ABTB2: variants seen among roughly 807,000 people sequenced by gnomAD.
ABTB2 encodes ankyrin repeat and BTB domain containing 2, also known as ankyrin repeat and BTB/POZ domain-containing protein 2.
In ABTB2, 56 loss-of-function variants were observed where a neutral mutation model predicts 104.1. The observed-to-expected ratio is 0.54, with a 90% CI of 0.43 to 0.67. ABTB2 has a LOEUF of 0.67. Ranked by LOEUF, ABTB2 falls within the 30% of genes least tolerant of loss-of-function variation. The pLI is 0.00. For missense variants in ABTB2, 1,279 were observed against 1,407.7 expected (o/e 0.91, Z 1.46); for synonymous variants, 606 against 608.2 (o/e 1.00, Z 0.05).
intron 1 of ABTB2, among the ~76,000 whole-genome samples, chr11:34,290,756 T>C (rs1854558136): frequency 6.6e-6 from 1 of 151,984 alleles, no homozygotes; most frequent in African/African-American, 2.4e-5. Context: ...AAAAGAAGAG[T>C]GTGTGCTGCA....
chr11:34,335,407 G>A, intron 1 of ABTB2: 1 of 805,112 alleles, frequency 1.2e-6, no homozygotes, highest in South Asian at 1.4e-5. Context: ...TTTTCTAAGA[G>A]CACTTCTCTT....
At chr11:34,173,043 G>T in intron 4 of ABTB2, 112 bp downstream of exon 4, 2 of 1,348,932 alleles carry the variant, frequency 1.5e-6, no homozygotes, top group Non-Finnish European at 2.0e-6. Context: ...CAAATGTGCT[G>T]CAGCCCCTGC....
At chr11:34,184,494 C>G (rs545642173) in intron 3 of ABTB2, among the ~76,000 whole-genome samples, 1 of 152,148 alleles carries the variant, frequency 6.6e-6, no homozygotes, top group Non-Finnish European at 1.5e-5. Flanking sequence ...AGGAATCAGG[C>G]CTGGTTCCAG....
In ABTB2 at chr11:34,356,283, T is replaced by A. The variant is rs1310354877; in HGVS notation, c.883+418A>T. Among the ~76,000 whole-genome samples the A allele has an allele frequency of 1.3e-5, 2 of 152,158 alleles. No homozygotes were observed. Among genetic ancestry groups the A allele is most frequent in the Non-Finnish European group, 2.9e-5 (2 of 68,028 alleles). On this transcript the variant is annotated intron_variant, in intron 1 of 16. Coordinates refer to ENST00000435224, the MANE Select transcript of ABTB2 (RefSeq NM_145804.3). This position sits in a 1 kb window ranked among gnomAD's most constrained non-coding sequence, Gnocchi z 4.6. Reference sequence around the variant, plus strand: ...GACCCTTTGGTTGCTGCTATTGAGCTGGGGAAAACTAGGGGGCAGAATCAG... The same window carrying A: ...GACCCTTTGGTTGCTGCTATTGAGCAGGGGAAAACTAGGGGGCAGAATCAG...
intron 1 of ABTB2, among the ~76,000 whole-genome samples, chr11:34,340,426 G>A (rs1264166403): frequency 6.6e-6 from 1 of 152,130 alleles, no homozygotes; most frequent in East Asian, 1.9e-4. Context: ...TCGCCATTTC[G>A]CAGATGAGAA....
chr11:34,204,791 T>G (rs1853388657), intron 1 of ABTB2, 101 bp from the exon 2 acceptor site: 7 of 1,339,790 alleles, frequency 5.2e-6, no homozygotes, highest in Non-Finnish European at 6.1e-6. Flanking sequence ...CCCCTGCTCT[T>G]GACAGAGAGA....
chr11:34,342,143 A>G (rs1855268433), intron 1 of ABTB2, among the ~76,000 whole-genome samples: 1 of 152,246 alleles, frequency 6.6e-6, no homozygotes, highest in Non-Finnish European at 1.5e-5. Flanking sequence ...CTCTTGAGCT[A>G]TTTTAAGCAA....
At position 34,173,710 on chromosome 11, in the gene ABTB2, G is replaced by A. The variant is rs564607449; in HGVS notation, c.1245-403C>T. Among the ~76,000 whole-genome samples, 4 of 152,234 alleles carry A rather than the reference G, an allele frequency of 2.6e-5. No individual in the cohort carries two copies. The South Asian group carries it at 8.3e-4, about 32-fold the overall frequency. On this transcript the variant is annotated intron_variant, in intron 3 of 16. Transcript: ENST00000435224. ...TTGGGGACCTTTCCCCCTCCAAAGAGTTCAGTCAGGGTCGCCAAGTGTTCT... is the reference window on the plus strand; with the variant it reads ...TTGGGGACCTTTCCCCCTCCAAAGAATTCAGTCAGGGTCGCCAAGTGTTCT...
intron 3 of ABTB2, among the ~76,000 whole-genome samples, chr11:34,181,381 C>T (rs2133024135): frequency 6.6e-6 from 1 of 152,338 alleles, no homozygotes; most frequent in Non-Finnish European, 1.5e-5. Context: ...AAAGCAGGCT[C>T]TGTTCTTCCC....
chr11:34,286,162 A>G (rs1854501832), intron 1 of ABTB2, among the ~76,000 whole-genome samples: 1 of 151,786 alleles, frequency 6.6e-6, no homozygotes, highest in Non-Finnish European at 1.5e-5. Flanking sequence ...AAAAATTAGT[A>G]AAGAAAAATT....
At chr11:34,194,802 G>T (rs1041941632) in intron 3 of ABTB2, among the ~76,000 whole-genome samples, 1 of 151,008 alleles carries the variant, frequency 6.6e-6, no homozygotes, top group South Asian at 2.1e-4. Flanking sequence ...CCTAATGGGG[G>T]TTCCAATTCC....
chr11:34,356,798 C>T lies in ABTB2; in HGVS notation c.786G>A (p.Val262=), dbSNP rs199599945. 1.0e-4 allele frequency: 166 copies of T among 1,608,554 alleles called. No homozygotes were observed. Among genetic ancestry groups the T allele is most frequent in the Non-Finnish European group, 2.7e-5 (32 of 1,177,696 alleles). The change falls in exon 1 of 17, where the codon GTG becomes GTA. Residue 262 remains valine, a synonymous_variant. Coordinates refer to ENST00000435224, the MANE Select transcript of ABTB2 (RefSeq NM_145804.3). The surrounding 1 kb of genome is among the most constrained non-coding windows in gnomAD (Gnocchi z 4.6). ...TGACCATCTCCAGGGCCTCAGCAGA[C>T]ACCTCCCCGCCTCCGGCCCCTCCGC... ...PDGGGAGGGE[V]SAEALEMVIN...
intron 1 of ABTB2, among the ~76,000 whole-genome samples, chr11:34,308,337 C>A (rs964819694): frequency 3.3e-5 from 5 of 152,206 alleles, no homozygotes; most frequent in African/African-American, 1.2e-4. Context: ...TCTCAGGCCA[C>A]AGCTTGTTTA....
At chr11:34,155,811 G>A (rs2132999606) in intron 14 of ABTB2, among the ~76,000 whole-genome samples, 1 of 152,362 alleles carries the variant, frequency 6.6e-6, no homozygotes, top group East Asian at 1.9e-4. Flanking sequence ...GCCCCTGCTG[G>A]AGCCTGGGTG....
rs924433837 is a variant in ABTB2, at chr11:34,173,025, G to C, written c.1397+130C>G. 4.2e-6 allele frequency: 5 copies of C among 1,201,584 alleles called. No individual in the cohort carries two copies. In the Admixed American group the frequency reaches 6.5e-5, roughly 16 times the overall value. 74.4% of individuals were successfully genotyped at this position (1,201,584 alleles called of 1,614,324 possible). A position where few individuals can be genotyped will look rare whatever the true frequency, so the allele number is the denominator to read the frequency against. On this transcript the variant is annotated intron_variant, in intron 4 of 16. Transcript: ENST00000435224. Reference sequence around the variant, plus strand: ...TTGGCCTTTGCAGAGGACACCCTTAGAACAGCTCAAATGTGCTGCAGCCCC... The same window carrying C: ...TTGGCCTTTGCAGAGGACACCCTTACAACAGCTCAAATGTGCTGCAGCCCC...
intron 1 of ABTB2, among the ~76,000 whole-genome samples, chr11:34,251,651 CT>C (rs972775754): frequency 3.0e-4 from 45 of 152,154 alleles, no homozygotes; most frequent in African/African-American, 1.1e-3. Context: ...GACTCCTGAA[CT>C]TTTTTTTATT....
chr11:34,274,044 C>G (rs927282486), intron 1 of ABTB2, among the ~76,000 whole-genome samples: 2 of 148,174 alleles, frequency 1.3e-5, no homozygotes, highest in African/African-American at 2.5e-5. Context: ...CCCAGCTACT[C>G]GGGAGGCTGA....
intron 1 of ABTB2, among the ~76,000 whole-genome samples, chr11:34,207,443 T>C (rs1853423334): frequency 6.6e-6 from 1 of 152,220 alleles, no homozygotes; most frequent in Non-Finnish European, 1.5e-5. Context: ...TAGGAACCTA[T>C]TATTAATAAT....
intron 1 of ABTB2, among the ~76,000 whole-genome samples, chr11:34,225,650 G>A (rs1355164254): frequency 2.0e-5 from 3 of 152,086 alleles, no homozygotes; most frequent in Non-Finnish European, 4.4e-5. Context: ...AGCTACTCGG[G>A]AGGCTGAGGC....
Sources: gnomAD v4.1 joint callset for allele counts (sites outside exome capture counted in the v4.1 genomes callset) on GRCh38, gnomAD v4.1.1 for gene constraint, Gnocchi (gnomAD v3.1) non-coding constraint, MANE v1.5 for transcripts, NCBI Gene and HGNC (gene_info 2026-07-23, HGNC 2026-07-21) for gene names.